Variants in ATP6V0A4 observed in about 807,000 individuals in gnomAD.
ATP6V0A4 encodes the protein V-type proton ATPase 116 kDa subunit a 4.
In ATP6V0A4, 86 loss-of-function variants were observed where a neutral mutation model predicts 107.3. That is an observed-to-expected ratio of 0.80 (90% CI 0.67 to 0.96). The LOEUF is 0.96. Among genes scored for constraint, ATP6V0A4 ranks in the 40% least tolerant of loss-of-function variants. The probability of loss-of-function intolerance (pLI) is 0.00; values close to 1 mark genes in which losing one functional copy is unlikely to be tolerated. For synonymous variants in ATP6V0A4, 353 were observed against 381.4 expected, an observed-to-expected ratio of 0.93 and a Z score of 0.87; for missense variants, 908 against 1,045.6, an observed-to-expected ratio of 0.87 and a Z score of 1.81.
chr7:138,747,578 A>T lies in ATP6V0A4; in HGVS notation c.1181-14T>A, dbSNP rs200022659. 13 of 1,613,526 alleles carry T rather than the reference A, an allele frequency of 8.1e-6. No individual in the cohort carries two copies. The highest frequency in any genetic ancestry group is 1.3e-5 in the African/African-American group (1 of 74,886). ...TGGTGTAGGGGGCTGCGGAGGGGAG[A>T]CACACAACGCCTGAGGCCTCAGCAC... On this transcript the variant is annotated splice_polypyrimidine_tract_variant and intron_variant, in intron 12 of 21. Transcript: ENST00000310018.
chr7:138,708,033 ATTT>A (rs1803539271), intron 21 of ATP6V0A4, among the ~76,000 whole-genome samples: 1 of 147,426 alleles, frequency 6.8e-6, no homozygotes, highest in African/African-American at 2.5e-5. Flanking sequence ...TTATTTATTT[ATTT>A]ATTTATTTAT....
chr7:138,786,761 T>C (rs1483612102), intron 1 of ATP6V0A4, among the ~76,000 whole-genome samples: 1 of 152,098 alleles, frequency 6.6e-6, no homozygotes, highest in East Asian at 1.9e-4. Flanking sequence ...CCCAAAATGC[T>C]GGGATTACAG....
intron 2 of ATP6V0A4, among the ~76,000 whole-genome samples, chr7:138,785,775 A>C (rs1808152308): frequency 6.6e-6 from 1 of 152,168 alleles, no homozygotes; most frequent in Non-Finnish European, 1.5e-5. Flanking sequence ...ACCCATGTGC[A>C]ACTGAATGCA....
intron 1 of ATP6V0A4, among the ~76,000 whole-genome samples, chr7:138,792,047 G>A (rs955631611): frequency 7.9e-5 from 12 of 152,214 alleles, no homozygotes; most frequent in African/African-American, 1.4e-4. Context: ...GGTGGCTCAC[G>A]CCTGTAATCC....
chr7:138,754,672 G>C (rs1806418347), intron 10 of ATP6V0A4, among the ~76,000 whole-genome samples: 1 of 151,856 alleles, frequency 6.6e-6, no homozygotes, highest in Admixed American at 6.6e-5. Flanking sequence ...GCCCAGGCTG[G>C]AGTGCAGTGG....
At position 138,747,576 on chromosome 7, in the gene ATP6V0A4, A is replaced by T; in HGVS notation, c.1181-12T>A. Reference sequence around the variant, plus strand: ...GATGGTGTAGGGGGCTGCGGAGGGGAGACACACAACGCCTGAGGCCTCAGC... The same window carrying T: ...GATGGTGTAGGGGGCTGCGGAGGGGTGACACACAACGCCTGAGGCCTCAGC... On this transcript the variant is annotated splice_polypyrimidine_tract_variant and intron_variant, in intron 12 of 21. Transcript: ENST00000310018. 6.2e-7 allele frequency: 1 copy of T among 1,613,730 alleles called. No homozygotes were observed. Among genetic ancestry groups the T allele is most frequent in the Non-Finnish European group, 8.5e-7 (1 of 1,179,926 alleles).
At chr7:138,720,397 GT>G (rs1215875422) in intron 19 of ATP6V0A4, among the ~76,000 whole-genome samples, 1 of 152,164 alleles carries the variant, frequency 6.6e-6, no homozygotes, top group Non-Finnish European at 1.5e-5. Context: ...CATGTTGGAG[GT>G]GGCAGGTGGA....
At chr7:138,783,651 G>A (rs376312383) in intron 2 of ATP6V0A4, among the ~76,000 whole-genome samples, 24 of 152,104 alleles carry the variant, frequency 1.6e-4, no homozygotes, top group Admixed American at 7.2e-4. Context: ...ACTTGAGCTC[G>A]GGAGTGCAAG....
At chr7:138,785,263 C>A (rs1014162581) in intron 2 of ATP6V0A4, among the ~76,000 whole-genome samples, 15 of 149,224 alleles carry the variant, frequency 1.0e-4, no homozygotes, top group Admixed American at 5.5e-4. Context: ...CTGAATACTT[C>A]TCACTTTCTT....
At chr7:138,762,013 A>G (rs1024539320) in intron 7 of ATP6V0A4, among the ~76,000 whole-genome samples, 2 of 152,188 alleles carry the variant, frequency 1.3e-5, no homozygotes, top group African/African-American at 2.4e-5. Flanking sequence ...AAGGAAAAAC[A>G]TAAGTCCCCA....
At chr7:138,743,054 G>A (rs1477546105) in intron 14 of ATP6V0A4, among the ~76,000 whole-genome samples, 2 of 152,134 alleles carry the variant, frequency 1.3e-5, no homozygotes, top group Non-Finnish European at 2.9e-5. Flanking sequence ...AACAAGAAGA[G>A]ACTGCGTTAG....
rs368085887 is a variant in ATP6V0A4 at position 138,745,956 on chromosome 7, A to AT, written c.1321-677_1321-676insA. On this transcript the variant is annotated intron_variant, in intron 13 of 21. Coordinates refer to ENST00000310018, the MANE Select transcript of ATP6V0A4 (RefSeq NM_020632.3). ...AAGACTCTGTCTCAAAAAAAAAAAA[A>AT]AAAAAAATATATATATATATATAAA... Among the ~76,000 whole-genome samples, 31 of 34,690 alleles carry AT rather than the reference A, an allele frequency of 8.9e-4. 2 individuals carry two copies. The highest frequency in any genetic ancestry group is 3.3e-3 in the Admixed American group (8 of 2,426). The allele number at this position is 34,690 out of a possible 152,430, so 22.8% of individuals were successfully genotyped here. A position where few individuals can be genotyped will look rare whatever the true frequency, so the allele number is the denominator to read the frequency against.
chr7:138,739,982 T>C (rs951414033), intron 14 of ATP6V0A4, among the ~76,000 whole-genome samples: 1 of 151,550 alleles, frequency 6.6e-6, no homozygotes, highest in African/African-American at 2.4e-5. Flanking sequence ...TAGTTCCAGC[T>C]ACTTGGGAGG....
intron 9 of ATP6V0A4, 56 bp downstream of exon 9, chr7:138,756,402 T>G (rs527490275): frequency 1.9e-6 from 3 of 1,611,700 alleles, no homozygotes; most frequent in Admixed American, 3.3e-5. Flanking sequence ...ATTGCACATC[T>G]CTTTATCTAA....
At chr7:138,750,094 C>T (rs140840138) in intron 11 of ATP6V0A4, among the ~76,000 whole-genome samples, 173 of 152,240 alleles carry the variant, frequency 1.1e-3, no homozygotes, top group African/African-American at 3.9e-3. Context: ...GGCTGCCTAT[C>T]GCCTAAAGAA....
chr7:138,784,217 TATATATATATATATATAC>T, intron 2 of ATP6V0A4, among the ~76,000 whole-genome samples: 1 of 84,966 alleles, frequency 1.2e-5, no homozygotes, highest in Non-Finnish European at 2.1e-5. Context: ...TTAAACATTA[TATATATATATATATATAC>T]GTATATATAT....
chr7:138,750,929 A>G (rs1007521973), intron 11 of ATP6V0A4, among the ~76,000 whole-genome samples: 2 of 151,986 alleles, frequency 1.3e-5, no homozygotes, highest in East Asian at 1.9e-4. Flanking sequence ...TACGAAGGGG[A>G]TAAAGAAAGC....
At chr7:138,730,993 G>GCGC in intron 17 of ATP6V0A4, among the ~76,000 whole-genome samples, 1 of 147,432 alleles carries the variant, frequency 6.8e-6, no homozygotes, top group Non-Finnish European at 1.5e-5. Context: ...GAGTGCAGTG[G>GCGC]CGCAATCTTG....
At chr7:138,716,504 T>C (rs1804040252) in intron 19 of ATP6V0A4, among the ~76,000 whole-genome samples, 2 of 144,404 alleles carry the variant, frequency 1.4e-5, no homozygotes, top group Admixed American at 7.2e-5. Flanking sequence ...AAGAAGTAAA[T>C]AACAGAACGA....
Sources: allele counts gnomAD v4.1 joint callset (sites outside exome capture counted in the v4.1 genomes callset), GRCh38; gene constraint gnomAD v4.1.1; transcripts MANE v1.5; gene names NCBI Gene and HGNC (gene_info 2026-07-23, HGNC 2026-07-21).